MGLL: variants seen among roughly 807,000 people sequenced by gnomAD.
MGLL encodes the protein lysophospholipase homolog.
Under a neutral mutation model 29.1 loss-of-function variants are expected in MGLL, and 7 were observed. The ratio of observed to expected loss-of-function variants is 0.24; its 90% CI spans 0.14 to 0.45. The LOEUF (loss-of-function observed/expected upper bound fraction) is 0.45. Among genes scored for constraint, MGLL ranks in the 20% least tolerant of loss-of-function variants. The pLI is 0.99. For synonymous variants in MGLL, 148 were observed against 168.3 expected (o/e 0.88, Z 0.93); for missense variants, 356 against 413.6 (o/e 0.86, Z 1.21).
At chr3:127,737,565 G>A (rs553552430) in intron 3 of MGLL, among the ~76,000 whole-genome samples, 20 of 149,402 alleles carry the variant, frequency 1.3e-4, no homozygotes, top group East Asian at 2.0e-4. Context: ...ACATCTGCCC[G>A]GGTCATTTGC....
intron 3 of MGLL, among the ~76,000 whole-genome samples, chr3:127,772,576 AG>A (rs2076967871): frequency 6.6e-6 from 1 of 152,240 alleles, no homozygotes; most frequent in Non-Finnish European, 1.5e-5. Flanking sequence ...TCCTAGAAGC[AG>A]GAAAGCCAAG....
intron 2 of MGLL, among the ~76,000 whole-genome samples, chr3:127,802,903 C>T (rs1330532432): frequency 6.6e-6 from 1 of 152,140 alleles, no homozygotes; most frequent in Non-Finnish European, 1.5e-5. Context: ...TGGAAAAGGA[C>T]CAGATGCTGG....
intron 4 of MGLL, among the ~76,000 whole-genome samples, chr3:127,721,390 TATAA>T (rs2075919305): frequency 6.6e-6 from 1 of 151,960 alleles, no homozygotes; most frequent in South Asian, 2.1e-4. Context: ...TTCAGAGAGA[TATAA>T]ATAAGGTTCC....
chr3:127,711,119 G>C, intron 5 of MGLL: 1 of 212,716 alleles, frequency 4.7e-6, no homozygotes, highest in East Asian at 9.8e-5. Context: ...CACAGAGAAA[G>C]TGTGCGTCCA....
intron 2 of MGLL, among the ~76,000 whole-genome samples, chr3:127,794,034 G>A (rs1428396815): frequency 1.3e-5 from 2 of 151,706 alleles, no homozygotes; most frequent in South Asian, 4.2e-4. Context: ...TTCTGGCCAG[G>A]TTTGATGGGT....
chr3:127,710,000 C>A (rs2075679501), intron 6 of MGLL, among the ~76,000 whole-genome samples: 1 of 152,232 alleles, frequency 6.6e-6, no homozygotes, highest in Admixed American at 6.5e-5. Flanking sequence ...ATACTACCCC[C>A]CTTTCCTGGA....
chr3:127,793,762 A>G lies in MGLL; in HGVS notation c.156-11867T>C, dbSNP rs931260966. On this transcript the variant is annotated intron_variant, in intron 2 of 7. Coordinates refer to ENST00000265052, the MANE Select transcript of MGLL (RefSeq NM_007283.7). ...TTTTTAGTACAGACGGGGTTTCACC[A>G]TGTTGGCCAGGCTGGTCTCAACCTC... Among the ~76,000 whole-genome samples, 3 of 152,002 alleles carry G rather than the reference A, an allele frequency of 2.0e-5. No individual in the cohort carries two copies. In the East Asian group the frequency reaches 5.8e-4, roughly 29 times the overall value.
rs118135706 is a variant in MGLL, at chr3:127,803,774, G to A, written c.155+17920C>T. ...TGTCACAGCATGAAATGCCATCACCGTGTACCAGGAAAACATTACTCATTC... is the reference window on the plus strand; with the variant it reads ...TGTCACAGCATGAAATGCCATCACCATGTACCAGGAAAACATTACTCATTC... On this transcript the variant is annotated intron_variant, in intron 2 of 7. Coordinates refer to ENST00000265052, the MANE Select transcript of MGLL (RefSeq NM_007283.7). 2.6e-3 allele frequency among the ~76,000 whole-genome samples: 396 copies of A among 152,260 alleles called. 8 individuals carry two copies. The East Asian group carries it at 0.034, about 13-fold the overall frequency.
At chr3:127,810,884 C>G (rs1213174131) in intron 2 of MGLL, among the ~76,000 whole-genome samples, 2 of 136,024 alleles carry the variant, frequency 1.5e-5, no homozygotes, top group Non-Finnish European at 2.9e-5. Flanking sequence ...TCCACAGCAA[C>G]TTCTGTGCTA....
In MGLL at chr3:127,692,094, A is replaced by ATT. The variant is rs11433015; in HGVS notation, c.*102_*103dup. On this transcript the variant is annotated 3_prime_UTR_variant, in exon 8 of 8. Transcript: ENST00000265052. The stretch of plus-strand genomic sequence containing the variant: ...GTGCTAAGGATTTCTCCAATTTCTG[A>ATT]TTTTTTTTTTTTTTTTTTTTTGGCA... 0.02 allele frequency: 13,938 copies of ATT among 703,532 alleles called. 1,176 individuals are homozygous for ATT. Among genetic ancestry groups the ATT allele is most frequent in the East Asian group, 0.031 (763 of 24,566 alleles). The allele number at this position is 703,532 out of a possible 1,614,324, so 43.6% of individuals were successfully genotyped here. A position where few individuals can be genotyped will look rare whatever the true frequency, so the allele number is the denominator to read the frequency against.
At position 127,692,094 on chromosome 3, in the gene MGLL, A is replaced by ATTTTTTTTTT. The variant is rs11433015; in HGVS notation, c.*94_*103dup. ...GTGCTAAGGATTTCTCCAATTTCTG[A>ATTTTTTTTTT]TTTTTTTTTTTTTTTTTTTTTGGCA... On this transcript the variant is annotated 3_prime_UTR_variant, in exon 8 of 8. Coordinates refer to ENST00000265052, the MANE Select transcript of MGLL (RefSeq NM_007283.7). 45 of 709,164 alleles carry ATTTTTTTTTT rather than the reference A, an allele frequency of 6.3e-5. 6 individuals carry two copies. The highest frequency in any genetic ancestry group is 1.1e-4 in the South Asian group (7 of 60,924). 43.9% of individuals were successfully genotyped at this position (709,164 alleles called of 1,614,324 possible).
intron 3 of MGLL, among the ~76,000 whole-genome samples, chr3:127,732,785 T>C (rs2076174071): frequency 6.6e-6 from 1 of 152,196 alleles, no homozygotes; most frequent in South Asian, 2.1e-4. Flanking sequence ...AGGCTAACCC[T>C]GGAAGTAACC....
intron 3 of MGLL, among the ~76,000 whole-genome samples, chr3:127,777,332 A>G (rs554992472): frequency 4.5e-4 from 69 of 152,356 alleles, no homozygotes; most frequent in African/African-American, 1.6e-3. Flanking sequence ...GGAGTGTGGC[A>G]TGGCAGAGAT....
chr3:127,760,776 G>T (rs1576560252), intron 3 of MGLL, among the ~76,000 whole-genome samples: 1 of 152,244 alleles, frequency 6.6e-6, no homozygotes, highest in African/African-American at 2.4e-5. Flanking sequence ...CTGTAGCAAG[G>T]TGCAAGTGTG....
intron 3 of MGLL, among the ~76,000 whole-genome samples, chr3:127,750,552 T>C (rs497897): frequency 0.9 from 136,490 of 152,040 alleles, 61,332 homozygotes; most frequent in Middle Eastern, 0.95. Context: ...CCAGGGCCCC[T>C]GGGACTCACA....
chr3:127,769,088 A>G (rs1214105114), intron 3 of MGLL, among the ~76,000 whole-genome samples: 1 of 152,198 alleles, frequency 6.6e-6, no homozygotes, highest in African/African-American at 2.4e-5. Flanking sequence ...GCGGTGGCTT[A>G]TGCCTGTAAT....
intron 3 of MGLL, among the ~76,000 whole-genome samples, chr3:127,734,328 C>T (rs1185353415): frequency 2.6e-5 from 4 of 152,202 alleles, no homozygotes; most frequent in African/African-American, 9.7e-5. Context: ...AGTAAGGAGG[C>T]GTTGCCATGA....
chr3:127,774,034 T>C (rs1377337349), intron 3 of MGLL, among the ~76,000 whole-genome samples: 1 of 152,212 alleles, frequency 6.6e-6, no homozygotes, highest in East Asian at 1.9e-4. Flanking sequence ...CATCACAGTA[T>C]ACTGCTCCCC....
intron 2 of MGLL, among the ~76,000 whole-genome samples, chr3:127,810,755 T>C (rs907943875): frequency 4.6e-5 from 7 of 152,238 alleles, no homozygotes; most frequent in Admixed American, 2.0e-4. Flanking sequence ...CCATGCTGTT[T>C]GTGGACCCTC....
Sources: allele counts gnomAD v4.1 joint callset (sites outside exome capture counted in the v4.1 genomes callset), GRCh38; gene constraint gnomAD v4.1.1; transcripts MANE v1.5; gene names NCBI Gene and HGNC (gene_info 2026-07-23, HGNC 2026-07-21).